Variants in CDH13 observed in about 807,000 individuals in gnomAD.
The protein encoded by CDH13 is cadherin-13.
In CDH13, 24 loss-of-function variants were observed where a neutral mutation model predicts 63.8. The ratio of observed to expected loss-of-function variants is 0.38; its 90% CI spans 0.27 to 0.53. The LOEUF (loss-of-function observed/expected upper bound fraction) is 0.53, where lower values mean the gene tolerates loss of function less well. CDH13 is among the 20% of genes least tolerant of loss of function. CDH13 has a pLI of 0.85. For missense variants in CDH13, 1,049 were observed against 903.1 expected (o/e 1.16, Z -2.07); for synonymous variants, 503 against 355.3 (o/e 1.42, Z -4.67).
intron 1 of CDH13, among the ~76,000 whole-genome samples, chr16:82,697,417 T>TTTTTTC: frequency 9.2e-6 from 1 of 108,340 alleles, no homozygotes; most frequent in East Asian, 3.0e-4. Context: ...AAGGCATTTC[T>TTTTTTC]TTTTTCTTTT....
intron 2 of CDH13, among the ~76,000 whole-genome samples, chr16:82,882,825 A>G (rs980013444): frequency 6.6e-6 from 1 of 152,122 alleles, no homozygotes; most frequent in Non-Finnish European, 1.5e-5. Context: ...ACTCTCTCTG[A>G]TGTGGATCAT....
intron 2 of CDH13, among the ~76,000 whole-genome samples, chr16:83,013,789 G>T (rs1362666120): frequency 1.3e-5 from 2 of 152,158 alleles, no homozygotes; most frequent in Non-Finnish European, 2.9e-5. Context: ...TACAAGGGTT[G>T]CTGGGATGGC....
At chr16:82,764,960 G>C (rs1033649612) in intron 1 of CDH13, among the ~76,000 whole-genome samples, 1 of 151,966 alleles carries the variant, frequency 6.6e-6, no homozygotes, top group Admixed American at 6.6e-5. Context: ...AACTACAGAC[G>C]TGTGCCACTA....
At chr16:82,710,532 CA>C (rs71913517) in intron 1 of CDH13, among the ~76,000 whole-genome samples, 646 of 55,864 alleles carry the variant, frequency 0.012, 2 homozygotes, top group Middle Eastern at 0.023. Context: ...GACTCTGTCT[CA>C]AAAAAAAAAA....
At chr16:83,373,926 G>A (rs1318587382) in intron 6 of CDH13, among the ~76,000 whole-genome samples, 2 of 152,172 alleles carry the variant, frequency 1.3e-5, no homozygotes, top group African/African-American at 2.4e-5. Context: ...GAAAGGGAAG[G>A]ATCCAGGGGA....
chr16:82,745,558 C>T (rs563565753), intron 1 of CDH13, among the ~76,000 whole-genome samples: 1 of 152,086 alleles, frequency 6.6e-6, no homozygotes, highest in African/African-American at 2.4e-5. Flanking sequence ...GAGCCAAGAT[C>T]ACGCCACTGA....
At chr16:83,097,363 A>G (rs1474732185) in intron 3 of CDH13, among the ~76,000 whole-genome samples, 1 of 152,232 alleles carries the variant, frequency 6.6e-6, no homozygotes, top group Non-Finnish European at 1.5e-5. Flanking sequence ...AGAGCTCAAG[A>G]TTATGGGGTG....
intron 7 of CDH13, among the ~76,000 whole-genome samples, chr16:83,487,105 C>A (rs376493367): frequency 1.4e-4 from 22 of 152,164 alleles, no homozygotes; most frequent in African/African-American, 5.3e-4. Flanking sequence ...AGGCATCCTG[C>A]ATTCCCCCTT....
At chr16:82,931,905 G>A (rs1267669875) in intron 2 of CDH13, among the ~76,000 whole-genome samples, 2 of 152,272 alleles carry the variant, frequency 1.3e-5, no homozygotes, top group South Asian at 2.1e-4. Flanking sequence ...TGAGGACACA[G>A]CCAAACCATA....
intron 6 of CDH13, among the ~76,000 whole-genome samples, chr16:83,345,788 C>G (rs2090826845): frequency 6.6e-6 from 1 of 152,024 alleles, no homozygotes; most frequent in Non-Finnish European, 1.5e-5. Context: ...TTAAAATACA[C>G]TTGAGTGAAA....
At chr16:83,120,221 T>C (rs1389067172) in intron 3 of CDH13, among the ~76,000 whole-genome samples, 1 of 152,142 alleles carries the variant, frequency 6.6e-6, no homozygotes, top group African/African-American at 2.4e-5. Context: ...AACACAATTG[T>C]GCCACTTGCC....
intron 5 of CDH13, among the ~76,000 whole-genome samples, chr16:83,239,725 A>G (rs1452874413): frequency 6.6e-6 from 1 of 152,066 alleles, no homozygotes; most frequent in Non-Finnish European, 1.5e-5. Context: ...CTTACTACCT[A>G]TCAATCACTA....
At chr16:83,322,927 T>A (rs2090262546) in intron 5 of CDH13, among the ~76,000 whole-genome samples, 1 of 152,182 alleles carries the variant, frequency 6.6e-6, no homozygotes, top group Admixed American at 6.5e-5. Context: ...TGAGTGTTTA[T>A]CGTTGACTTT....
At chr16:82,822,734 A>G (rs1309919826) in intron 1 of CDH13, among the ~76,000 whole-genome samples, 5 of 152,228 alleles carry the variant, frequency 3.3e-5, no homozygotes, top group East Asian at 3.8e-4. Context: ...GGCTCAAGCC[A>G]TCCTCCCACC....
chr16:82,772,532 G>A (rs901323773), intron 1 of CDH13, among the ~76,000 whole-genome samples: 1 of 152,166 alleles, frequency 6.6e-6, no homozygotes, highest in African/African-American at 2.4e-5. Context: ...GAGGTGGCCT[G>A]GGTATGAGAC....
intron 5 of CDH13, among the ~76,000 whole-genome samples, chr16:83,258,738 G>A (rs979822114): frequency 6.6e-6 from 1 of 152,210 alleles, no homozygotes; most frequent in African/African-American, 2.4e-5. Context: ...GTATGTGCGC[G>A]TTGTGGTGTC....
At chr16:83,182,569 G>T (rs539221182) in intron 4 of CDH13, among the ~76,000 whole-genome samples, 2 of 152,314 alleles carry the variant, frequency 1.3e-5, no homozygotes, top group East Asian at 3.9e-4. Context: ...GCGGACACTT[G>T]AAGCCCTCTG....
At chr16:83,221,849 G>A (rs2039710569) in intron 5 of CDH13, among the ~76,000 whole-genome samples, 1 of 151,998 alleles carries the variant, frequency 6.6e-6, no homozygotes, top group Admixed American at 6.6e-5. Context: ...GGAAGAAGAG[G>A]CAAAACTAAC....
At chr16:83,452,554 G>C (rs913824616) in intron 6 of CDH13, among the ~76,000 whole-genome samples, 6 of 152,024 alleles carry the variant, frequency 3.9e-5, no homozygotes. Context: ...TGTTTTCGTT[G>C]TTGTTTTGCT....
Sources: allele counts gnomAD v4.1 joint callset (sites outside exome capture counted in the v4.1 genomes callset), GRCh38; gene constraint gnomAD v4.1.1; transcripts MANE v1.5; gene names NCBI Gene and HGNC (gene_info 2026-07-23, HGNC 2026-07-21).